SLC24A2: variants seen among roughly 807,000 people sequenced by gnomAD.
SLC24A2 encodes the protein sodium/potassium/calcium exchanger 2.
A neutral mutation model predicts 62.0 loss-of-function variants in SLC24A2; 36 were observed. The observed-to-expected ratio is 0.58, with a 90% CI of 0.44 to 0.77. The LOEUF is 0.77. Among genes scored for constraint, SLC24A2 ranks in the 30% least tolerant of loss-of-function variants. The pLI, the probability that SLC24A2 is intolerant of heterozygous loss-of-function variation, is 0.00. For synonymous variants in SLC24A2, 358 were observed against 294.0 expected, an observed-to-expected ratio of 1.22 and a Z score of -2.23; for missense variants, 846 against 817.9, an observed-to-expected ratio of 1.03 and a Z score of -0.42.
chr9:20,008,640 C>A, the SLC24A2 span, among the ~76,000 whole-genome samples: 5 of 152,048 alleles, frequency 3.3e-5, no homozygotes, highest in Non-Finnish European at 7.4e-5. Context: ...CATCTTCTTC[C>A]CAGGAATATG....
the SLC24A2 span, among the ~76,000 whole-genome samples, chr9:20,095,222 C>T: frequency 1.2e-3 from 188 of 152,282 alleles, no homozygotes; most frequent in Admixed American, 2.1e-3. Context: ...CAAATGAACA[C>T]ATATTTTCCT....
chr9:19,553,440 T>C lies in SLC24A2; in HGVS notation c.1348-3172A>G, dbSNP rs143473074. On this transcript the variant is annotated intron_variant, in intron 7 of 10. Transcript: ENST00000341998. Reference sequence around the variant, plus strand: ...GAAAGGATTCAAATGGCTTTTGATATGAGGGCTTAAAATAGTTTGATATCT... The same window carrying C: ...GAAAGGATTCAAATGGCTTTTGATACGAGGGCTTAAAATAGTTTGATATCT... Among the ~76,000 whole-genome samples, 313 of 152,318 alleles carry C rather than the reference T, an allele frequency of 2.1e-3. 1 individual carries two copies. Among genetic ancestry groups the C allele is most frequent in the African/African-American group, 7.3e-3 (303 of 41,568 alleles).
chr9:19,780,627 C>T (rs1822987586), intron 2 of SLC24A2, among the ~76,000 whole-genome samples: 1 of 151,376 alleles, frequency 6.6e-6, no homozygotes, highest in Non-Finnish European at 1.5e-5. Flanking sequence ...AGGCTCACGC[C>T]TGTAATCCCA....
At chr9:19,957,984 CTCT>C in the SLC24A2 span, 1 of 152,798 alleles carries the variant, frequency 6.5e-6, no homozygotes, top group East Asian at 1.9e-4. Context: ...ACAATGGTAG[CTCT>C]ATCCTTCACC....
chr9:19,891,413 T>C, the SLC24A2 span, among the ~76,000 whole-genome samples: 11 of 152,204 alleles, frequency 7.2e-5, no homozygotes, highest in African/African-American at 2.4e-4. Flanking sequence ...TGAGACTGGG[T>C]AATTTATAAA....
At chr9:19,895,757 A>T in the SLC24A2 span, 1 of 1,534,242 alleles carries the variant, frequency 6.5e-7, no homozygotes. Context: ...TGGGCGGCCC[A>T]GTCCCACCCT....
At chr9:19,549,377 C>A (rs1002103384) in intron 8 of SLC24A2, among the ~76,000 whole-genome samples, 28 of 152,074 alleles carry the variant, frequency 1.8e-4, no homozygotes, top group Non-Finnish European at 1.2e-4. Context: ...CTTTTTGTTT[C>A]CTCCCCCTTT....
the SLC24A2 span, among the ~76,000 whole-genome samples, chr9:20,174,256 A>G: frequency 2.6e-5 from 4 of 152,154 alleles, no homozygotes; most frequent in Non-Finnish European, 4.4e-5. Context: ...CCAGAAGATA[A>G]TGTCGGAAAA....
the SLC24A2 span, among the ~76,000 whole-genome samples, chr9:20,209,195 C>A: frequency 2.0e-5 from 3 of 152,196 alleles, no homozygotes; most frequent in African/African-American, 7.2e-5. Context: ...ATTTCCAGGT[C>A]TCAAATCAGT....
intron 5 of SLC24A2, among the ~76,000 whole-genome samples, chr9:19,580,735 G>C (rs1327104456): frequency 6.6e-6 from 1 of 152,184 alleles, no homozygotes; most frequent in East Asian, 1.9e-4. Flanking sequence ...CTCTCTCACT[G>C]TCTCTGCTGG....
At chr9:19,557,644 C>T (rs925227383) in intron 7 of SLC24A2, among the ~76,000 whole-genome samples, 3 of 152,208 alleles carry the variant, frequency 2.0e-5, no homozygotes, top group Non-Finnish European at 4.4e-5. Context: ...GTGGCCCAGC[C>T]CCCTAGCTGC....
upstream of SLC24A2, among the ~76,000 whole-genome samples, chr9:19,789,119 T>C (rs1823270150): frequency 6.6e-6 from 1 of 152,334 alleles, no homozygotes; most frequent in South Asian, 2.1e-4. Flanking sequence ...CGCTGTGCGC[T>C]GGGAGCGGGG....
Position 19,651,674 on chromosome 9 carries a change from G to A in SLC24A2, c.931-29375C>T, listed in dbSNP as rs563041693. On this transcript the variant is annotated intron_variant, in intron 2 of 10. Transcript: ENST00000341998. The stretch of plus-strand genomic sequence containing the variant: ...TCAAAAGGCAAAACAAAAACATACC[G>A]CTGCCAGAAACCCTAGAGATAATAT... Among the ~76,000 whole-genome samples the A allele has an allele frequency of 5.3e-5, 8 of 152,216 alleles. No individual in the cohort carries two copies. The South Asian group carries it at 1.2e-3, about 24-fold the overall frequency.
At chr9:19,734,738 C>T (rs1034488771) in intron 2 of SLC24A2, among the ~76,000 whole-genome samples, 87 of 151,982 alleles carry the variant, frequency 5.7e-4, no homozygotes, top group East Asian at 9.7e-4. Context: ...TTTTGTATCC[C>T]GAGACTTTGC....
At chr9:20,168,837 G>C in the SLC24A2 span, among the ~76,000 whole-genome samples, 4 of 151,986 alleles carry the variant, frequency 2.6e-5, no homozygotes, top group African/African-American at 9.7e-5. Context: ...TGACCCGGCA[G>C]TTTCACTCTC....
intron 2 of SLC24A2, among the ~76,000 whole-genome samples, chr9:19,717,115 G>T (rs941508253): frequency 6.6e-6 from 1 of 152,202 alleles, no homozygotes; most frequent in Non-Finnish European, 1.5e-5. Context: ...CCCGACATAT[G>T]AGGTGGACTC....
the SLC24A2 span, among the ~76,000 whole-genome samples, chr9:19,980,171 T>C: frequency 5.3e-5 from 8 of 152,134 alleles, no homozygotes; most frequent in Non-Finnish European, 1.0e-4. Context: ...AAGGAGAGAA[T>C]CAAGTGATAC....
At chr9:19,516,732 T>A (rs1260990395) in intron 10 of SLC24A2, among the ~76,000 whole-genome samples, 1 of 152,216 alleles carries the variant, frequency 6.6e-6, no homozygotes, top group Non-Finnish European at 1.5e-5. Flanking sequence ...ATTAAAATGT[T>A]GCTTTCAGTC....
the SLC24A2 span, among the ~76,000 whole-genome samples, chr9:20,136,639 A>G: frequency 2.0e-5 from 3 of 152,166 alleles, no homozygotes; most frequent in Non-Finnish European, 4.4e-5. Flanking sequence ...GTTTGCAACA[A>G]ATTGACCACA....
Sources: gnomAD v4.1 joint callset for allele counts (sites outside exome capture counted in the v4.1 genomes callset) on GRCh38, gnomAD v4.1.1 for gene constraint, MANE v1.5 for transcripts, NCBI Gene and HGNC (gene_info 2026-07-23, HGNC 2026-07-21) for gene names.